The following PDE3A variants were observed in gnomAD, a reference collection of about 807,000 sequenced individuals.
PDE3A encodes the protein phosphodiesterase 3A.
In PDE3A, 43 loss-of-function variants were observed where a neutral mutation model predicts 98.3. The observed-to-expected ratio is 0.44, with a 90% CI of 0.34 to 0.56. The LOEUF is 0.56. Ranked by LOEUF, PDE3A falls within the 20% of genes least tolerant of loss-of-function variation. PDE3A has a pLI of 0.01. For missense variants in PDE3A, 1,427 were observed against 1,440.7 expected (o/e 0.99, Z 0.15); for synonymous variants, 663 against 567.9 (o/e 1.17, Z -2.38).
At chr12:20,547,453 C>T (rs1325406624) in intron 1 of PDE3A, among the ~76,000 whole-genome samples, 2 of 152,112 alleles carry the variant, frequency 1.3e-5, no homozygotes, top group Admixed American at 6.5e-5. Flanking sequence ...TTAATGAGTA[C>T]ATGATGAAAT....
chr12:20,666,780 T>C (rs1945325142), intron 15 of PDE3A, among the ~76,000 whole-genome samples: 1 of 152,218 alleles, frequency 6.6e-6, no homozygotes, highest in Admixed American at 6.5e-5. Flanking sequence ...TTTCTTTTCC[T>C]TTGATAAATA....
At chr12:20,633,583 G>T in intron 6 of PDE3A, 110 bp from the exon 7 acceptor site, 1 of 522,792 alleles carries the variant, frequency 1.9e-6, no homozygotes, top group Non-Finnish European at 3.4e-6. Flanking sequence ...TAAGCAGAAG[G>T]TAGAAATATT....
rs1945748341 is a variant in PDE3A at position 20,680,437 on chromosome 12, A to G, written c.*166A>G. The G allele has an allele frequency of 2.8e-6, 2 of 719,692 alleles. No homozygotes were observed. Among genetic ancestry groups the G allele is most frequent in the Admixed American group, 3.2e-5 (1 of 31,390 alleles). The allele number at this position is 719,692 out of a possible 1,614,324, so 44.6% of individuals were successfully genotyped here. On this transcript the variant is annotated 3_prime_UTR_variant, in exon 16 of 16. Transcript: ENST00000359062. ...TGTGTATATTTTTACAGTGAGGTAC[A>G]TTGTTAAAAACTTTTTGCTCAAAGA...
At chr12:20,665,081 TG>T (rs1945275947) in intron 15 of PDE3A, among the ~76,000 whole-genome samples, 3 of 152,188 alleles carry the variant, frequency 2.0e-5, no homozygotes, top group Non-Finnish European at 4.4e-5. Flanking sequence ...CATACAATAT[TG>T]TACCAACTGG....
At chr12:20,456,436 TA>T (rs752892537) in intron 1 of PDE3A, among the ~76,000 whole-genome samples, 1 of 152,132 alleles carries the variant, frequency 6.6e-6, no homozygotes, top group Non-Finnish European at 1.5e-5. Flanking sequence ...GTTGACTTCT[TA>T]GGAAATTGTA....
chr12:20,676,103 T>A (rs1945631464), intron 15 of PDE3A, among the ~76,000 whole-genome samples: 1 of 152,118 alleles, frequency 6.6e-6, no homozygotes, highest in Non-Finnish European at 1.5e-5. Flanking sequence ...TGCAGTTGGG[T>A]GGTTTTCTGT....
intron 15 of PDE3A, among the ~76,000 whole-genome samples, chr12:20,656,223 C>T (rs1012223498): frequency 2.0e-5 from 3 of 152,190 alleles, no homozygotes; most frequent in Non-Finnish European, 2.9e-5. Context: ...CTGATCATTT[C>T]GTGCCTATTT....
intron 2 of PDE3A, among the ~76,000 whole-genome samples, chr12:20,597,882 AT>A (rs147515591): frequency 6.6e-6 from 1 of 152,004 alleles, no homozygotes; most frequent in African/African-American, 2.4e-5. Context: ...AGAAATGGAT[AT>A]TTTTTCAGTA....
intron 1 of PDE3A, among the ~76,000 whole-genome samples, chr12:20,431,594 AACACACACAC>A (rs35221225): frequency 2.0e-5 from 3 of 146,774 alleles, no homozygotes; most frequent in Admixed American, 6.8e-5. Context: ...TAGTCAGGAA[AACACACACAC>A]ACACACACAC....
chr12:20,570,267 A>T (rs1942765819), intron 2 of PDE3A, among the ~76,000 whole-genome samples: 1 of 151,578 alleles, frequency 6.6e-6, no homozygotes, highest in Non-Finnish European at 1.5e-5. Flanking sequence ...AATTAACTGA[A>T]TGTGATGGTG....
At chr12:20,413,018 TTACA>T (rs1178662643) in intron 1 of PDE3A, among the ~76,000 whole-genome samples, 3 of 152,210 alleles carry the variant, frequency 2.0e-5, no homozygotes, top group Admixed American at 6.5e-5. Flanking sequence ...GAAACACAAG[TTACA>T]TACTGTGCTA....
chr12:20,671,536 T>G (rs571327759), intron 15 of PDE3A, among the ~76,000 whole-genome samples: 1 of 151,426 alleles, frequency 6.6e-6, no homozygotes, highest in African/African-American at 2.4e-5. Flanking sequence ...GATGCAAGGC[T>G]GGTTCAATAT....
At chr12:20,437,987 TAAGA>T (rs1275571128) in intron 1 of PDE3A, among the ~76,000 whole-genome samples, 37 of 151,516 alleles carry the variant, frequency 2.4e-4, no homozygotes, top group African/African-American at 8.5e-4. Flanking sequence ...TTTTTTCCAG[TAAGA>T]TTTACCAGTC....
intron 1 of PDE3A, among the ~76,000 whole-genome samples, chr12:20,376,739 A>AT (rs1010487709): frequency 1.8e-4 from 27 of 151,944 alleles, no homozygotes; most frequent in Non-Finnish European, 2.7e-4. Flanking sequence ...ACAGCTGGTA[A>AT]TTTTTTTCAC....
chr12:20,517,326 T>C (rs1946340530), intron 1 of PDE3A, among the ~76,000 whole-genome samples: 1 of 152,196 alleles, frequency 6.6e-6, no homozygotes, highest in African/African-American at 2.4e-5. Flanking sequence ...TTGACCAGTT[T>C]ATACTATGAA....
At chr12:20,403,041 C>T (rs1251707783) in intron 1 of PDE3A, among the ~76,000 whole-genome samples, 4 of 152,156 alleles carry the variant, frequency 2.6e-5, no homozygotes, top group Non-Finnish European at 5.9e-5. Flanking sequence ...ATTTTTCTTT[C>T]TCCTTAAGGA....
intron 10 of PDE3A, among the ~76,000 whole-genome samples, chr12:20,640,451 A>C (rs946292056): frequency 6.6e-6 from 1 of 152,128 alleles, no homozygotes. Context: ...CACGTAAGAT[A>C]AAGTTGGCTG....
intron 1 of PDE3A, among the ~76,000 whole-genome samples, chr12:20,485,273 A>T (rs184459672): frequency 6.6e-6 from 1 of 152,070 alleles, no homozygotes; most frequent in Non-Finnish European, 1.5e-5. Flanking sequence ...CATTCTTCCC[A>T]TGCCTCTTTT....
intron 1 of PDE3A, among the ~76,000 whole-genome samples, chr12:20,535,940 A>G (rs1313465201): frequency 6.6e-6 from 1 of 152,150 alleles, no homozygotes; most frequent in Non-Finnish European, 1.5e-5. Flanking sequence ...GGTGAACTAT[A>G]GTTTAAAATA....
Sources: allele counts gnomAD v4.1 joint callset (sites outside exome capture counted in the v4.1 genomes callset), GRCh38; gene constraint gnomAD v4.1.1; transcripts MANE v1.5; gene names NCBI Gene and HGNC (gene_info 2026-07-23, HGNC 2026-07-21).